The following GRID2 variants were observed in gnomAD, a reference collection of about 807,000 sequenced individuals.
GRID2 encodes the protein glutamate ionotropic receptor delta type subunit 2, also known as glutamate receptor ionotropic, delta-2.
GRID2 carries 33 observed loss-of-function variants against 114.8 expected under a neutral mutation model. That is an observed-to-expected ratio of 0.29 (90% CI 0.22 to 0.38). The LOEUF (loss-of-function observed/expected upper bound fraction) is 0.38, where lower values mean the gene tolerates loss of function less well. Among genes scored for constraint, GRID2 ranks in the 10% least tolerant of loss-of-function variants. GRID2 has a pLI of 1.00. For synonymous variants in GRID2, 505 were observed against 449.9 expected (o/e 1.12, Z -1.55); for missense variants, 1,184 against 1,257.7 (o/e 0.94, Z 0.89).
intron 2 of GRID2, among the ~76,000 whole-genome samples, chr4:92,824,491 A>G (rs1236084699): frequency 6.6e-6 from 1 of 152,064 alleles, no homozygotes; most frequent in Non-Finnish European, 1.5e-5. Flanking sequence ...TATTCTCAAA[A>G]GAATAAATTA....
chr4:93,621,807 A>G (rs1171935229), intron 13 of GRID2, among the ~76,000 whole-genome samples: 2 of 152,222 alleles, frequency 1.3e-5, no homozygotes, highest in African/African-American at 4.8e-5. Context: ...GCTACAGGCT[A>G]TAATCACACT....
intron 2 of GRID2, among the ~76,000 whole-genome samples, chr4:92,646,547 C>G (rs1346308788): frequency 6.6e-6 from 1 of 151,850 alleles, no homozygotes; most frequent in Non-Finnish European, 1.5e-5. Flanking sequence ...ATAGTTTTAG[C>G]TTTTATAGCC....
At chr4:92,441,682 T>C (rs575442792) in intron 1 of GRID2, among the ~76,000 whole-genome samples, 11 of 152,058 alleles carry the variant, frequency 7.2e-5, no homozygotes, top group Non-Finnish European at 1.3e-4. Flanking sequence ...GGCTTTAATC[T>C]TTTTAAAGCG....
intron 1 of GRID2, among the ~76,000 whole-genome samples, chr4:92,458,626 A>G (rs1253729929): frequency 1.3e-5 from 2 of 152,150 alleles, no homozygotes; most frequent in African/African-American, 4.8e-5. Context: ...TCTAGATTAA[A>G]TCACTTCTGG....
intron 14 of GRID2, among the ~76,000 whole-genome samples, chr4:93,675,064 A>G (rs1360464937): frequency 6.6e-6 from 1 of 152,192 alleles, no homozygotes; most frequent in Non-Finnish European, 1.5e-5. Context: ...GGTCCTATAT[A>G]TGTAAAGTAT....
At chr4:92,856,956 T>C (rs1744222481) in intron 2 of GRID2, among the ~76,000 whole-genome samples, 1 of 152,174 alleles carries the variant, frequency 6.6e-6, no homozygotes, top group Non-Finnish European at 1.5e-5. Context: ...TTTTGGTAGT[T>C]CTCAGAATAT....
intron 12 of GRID2, among the ~76,000 whole-genome samples, chr4:93,498,850 G>A (rs1727819804): frequency 6.6e-6 from 1 of 151,822 alleles, no homozygotes; most frequent in African/African-American, 2.4e-5. Context: ...TCTCTGCTTT[G>A]TTCCTGATCT....
chr4:93,161,810 AC>A (rs768764612), intron 4 of GRID2, among the ~76,000 whole-genome samples: 15 of 151,908 alleles, frequency 9.9e-5, no homozygotes, highest in Admixed American at 4.6e-4. Flanking sequence ...AATTGTGCTT[AC>A]TAAAGTTAAA....
chr4:92,423,839 A>AT (rs1015707985), intron 1 of GRID2, among the ~76,000 whole-genome samples: 11 of 151,970 alleles, frequency 7.2e-5, no homozygotes, highest in Admixed American at 3.3e-4. Context: ...TGAGCTGCAG[A>AT]TTTTTTTGCA....
At chr4:93,655,473 TA>T (rs1342864413) in intron 14 of GRID2, among the ~76,000 whole-genome samples, 1 of 151,922 alleles carries the variant, frequency 6.6e-6, no homozygotes, top group Non-Finnish European at 1.5e-5. Flanking sequence ...TTTCTTTTTT[TA>T]AAAAAAGAAA....
intron 1 of GRID2, among the ~76,000 whole-genome samples, chr4:93,779,843 G>A (rs2110349713): frequency 6.6e-6 from 1 of 152,324 alleles, no homozygotes; most frequent in South Asian, 2.1e-4. Context: ...TGGAATATGG[G>A]CTTTGTGTCA....
intron 1 of GRID2, among the ~76,000 whole-genome samples, chr4:92,476,023 C>CTTTTT (rs752757998): frequency 4.6e-4 from 58 of 125,084 alleles, no homozygotes; most frequent in South Asian, 7.7e-4. Flanking sequence ...TTCAGTGCTT[C>CTTTTT]TTTTTTTTTT....
rs574552355 is a variant in GRID2, at chr4:93,697,865, G to GTATATATA, written c.2361-71344_2361-71343insATATATAT. ...TGGCTCAATTTAGTCATTCCACAAT[G>GTATATATA]TGTGTATATATATATTTCAAAACAA... On this transcript the variant is annotated intron_variant, in intron 14 of 15. Transcript: ENST00000282020. 2.4e-3 allele frequency among the ~76,000 whole-genome samples: 178 copies of GTATATATA among 74,892 alleles called. 5 individuals are homozygous for GTATATATA. Among genetic ancestry groups the GTATATATA allele is most frequent in the African/African-American group, 6.2e-3 (172 of 27,724 alleles). The allele number at this position is 74,892 out of a possible 152,430, so 49.1% of individuals were successfully genotyped here. A position where few individuals can be genotyped will look rare whatever the true frequency, so the allele number is the denominator to read the frequency against.
At chr4:93,398,777 A>G (rs576742784) in intron 9 of GRID2, among the ~76,000 whole-genome samples, 4 of 137,412 alleles carry the variant, frequency 2.9e-5, no homozygotes, top group East Asian at 2.1e-4. Flanking sequence ...CAAGTCTTCT[A>G]TGATGGACTT....
At chr4:93,015,832 A>G (rs1404529811) in intron 2 of GRID2, among the ~76,000 whole-genome samples, 3 of 152,130 alleles carry the variant, frequency 2.0e-5, no homozygotes, top group African/African-American at 7.2e-5. Flanking sequence ...TAGCTACTAG[A>G]TCAGTGTTTC....
chr4:93,625,337 C>A (rs762606395), intron 13 of GRID2, among the ~76,000 whole-genome samples: 11 of 152,180 alleles, frequency 7.2e-5, no homozygotes, highest in Non-Finnish European at 1.3e-4. Flanking sequence ...TCCTTTCATG[C>A]ATTTTTTGTT....
At chr4:92,366,064 C>G (rs1728846589) in intron 1 of GRID2, among the ~76,000 whole-genome samples, 1 of 152,054 alleles carries the variant, frequency 6.6e-6, no homozygotes, top group Admixed American at 6.6e-5. Flanking sequence ...TTCCCTTGTA[C>G]TTTGCTCTTA....
At chr4:93,405,431 A>G (rs907370656) in intron 9 of GRID2, among the ~76,000 whole-genome samples, 4 of 152,142 alleles carry the variant, frequency 2.6e-5, no homozygotes, top group African/African-American at 9.6e-5. Flanking sequence ...TATATGTGGT[A>G]GCCATGCATG....
chr4:92,955,877 C>A (rs1017842338), intron 2 of GRID2, among the ~76,000 whole-genome samples: 2 of 152,030 alleles, frequency 1.3e-5, no homozygotes, highest in Non-Finnish European at 2.9e-5. Context: ...ATAGGGAATC[C>A]TTTCCCCATT....
Sources: gnomAD v4.1 joint callset for allele counts (sites outside exome capture counted in the v4.1 genomes callset) on GRCh38, gnomAD v4.1.1 for gene constraint, MANE v1.5 for transcripts, NCBI Gene and HGNC (gene_info 2026-07-23, HGNC 2026-07-21) for gene names.